The following AKT3 variants were observed in gnomAD, a reference collection of about 807,000 sequenced individuals.
The protein encoded by AKT3 is AKT serine/threonine kinase 3.
AKT3 carries 15 observed loss-of-function variants against 65.3 expected under a neutral mutation model. The ratio of observed to expected loss-of-function variants is 0.23; its 90% CI spans 0.15 to 0.35. The LOEUF (loss-of-function observed/expected upper bound fraction) is 0.35, where lower values mean the gene tolerates loss of function less well. Among genes scored for constraint, AKT3 ranks in the 10% least tolerant of loss-of-function variants. AKT3 has a pLI of 1.00. For synonymous variants in AKT3, 206 were observed against 183.8 expected (o/e 1.12, Z -0.98); for missense variants, 243 against 576.5 (o/e 0.42, Z 5.92).
chr1:243,563,985 T>G, intron 9 of AKT3, 137 bp from the exon 10 acceptor site: 2 of 649,748 alleles, frequency 3.1e-6, no homozygotes, highest in Non-Finnish European at 4.7e-6. Context: ...CGCTCAGTAC[T>G]TACAAACTCT....
chr1:243,555,186 T>C (rs1040320917), intron 10 of AKT3, among the ~76,000 whole-genome samples: 3 of 152,198 alleles, frequency 2.0e-5, no homozygotes, highest in South Asian at 4.1e-4. Flanking sequence ...TAACGTATTG[T>C]CTTCCTGACA....
At chr1:243,783,672 A>G (rs1257613128) in intron 2 of AKT3, among the ~76,000 whole-genome samples, 1 of 152,232 alleles carries the variant, frequency 6.6e-6, no homozygotes, top group African/African-American at 2.4e-5. Flanking sequence ...TGGGTACTTT[A>G]GTGCTCACTT....
chr1:243,711,575 G>A (rs900166978), intron 2 of AKT3, among the ~76,000 whole-genome samples: 1 of 152,066 alleles, frequency 6.6e-6, no homozygotes, highest in African/African-American at 2.4e-5. Context: ...ATGATAGTCA[G>A]AGCATTATAT....
At chr1:243,594,812 A>G (rs994525595) in intron 8 of AKT3, among the ~76,000 whole-genome samples, 2 of 152,086 alleles carry the variant, frequency 1.3e-5, no homozygotes, top group Admixed American at 6.5e-5. Context: ...ACTCCTGGAC[A>G]TAAGTGGTCT....
intron 12 of AKT3, among the ~76,000 whole-genome samples, chr1:243,524,114 A>T (rs1339796845): frequency 2.6e-5 from 4 of 152,234 alleles, no homozygotes; most frequent in African/African-American, 7.2e-5. Flanking sequence ...ACACAATGGT[A>T]AGTATTTGTG....
chr1:243,833,427 A>G (rs1694667238), intron 2 of AKT3, among the ~76,000 whole-genome samples: 1 of 152,162 alleles, frequency 6.6e-6, no homozygotes, highest in African/African-American at 2.4e-5. Context: ...GCCGAGTTAA[A>G]GGGGAAGAAC....
At chr1:243,492,899 C>A (rs531010106) in intron 13 of AKT3, among the ~76,000 whole-genome samples, 2 of 152,072 alleles carry the variant, frequency 1.3e-5, no homozygotes, top group South Asian at 4.1e-4. Flanking sequence ...GAGCTTTGCC[C>A]GGCCTCTTGG....
At chr1:243,528,218 T>C (rs1671288374) in intron 12 of AKT3, among the ~76,000 whole-genome samples, 1 of 152,200 alleles carries the variant, frequency 6.6e-6, no homozygotes, top group African/African-American at 2.4e-5. Flanking sequence ...GTAGCTCCAA[T>C]TTCACACTCC....
chr1:243,701,243 C>T (rs1408651823), intron 2 of AKT3, among the ~76,000 whole-genome samples: 3 of 152,218 alleles, frequency 2.0e-5, no homozygotes, highest in Non-Finnish European at 4.4e-5. Context: ...TTTGTTCAGA[C>T]ATGCAAATGG....
At chr1:243,840,317 C>A (rs1201639088) in intron 2 of AKT3, among the ~76,000 whole-genome samples, 1 of 151,814 alleles carries the variant, frequency 6.6e-6, no homozygotes, top group Non-Finnish European at 1.5e-5. Flanking sequence ...AACACACGGA[C>A]ACAAGGAGGG....
At chr1:243,664,960 T>C in intron 3 of AKT3, 77 bp from the exon 4 acceptor site, 1 of 774,150 alleles carries the variant, frequency 1.3e-6, no homozygotes. Flanking sequence ...ACTACAGAGT[T>C]CTATTTTAAA....
intron 2 of AKT3, among the ~76,000 whole-genome samples, chr1:243,805,937 C>A (rs1008780507): frequency 1.3e-5 from 2 of 152,174 alleles, no homozygotes; most frequent in Non-Finnish European, 2.9e-5. Flanking sequence ...GGGTGAATAA[C>A]CATTTTCCTT....
At chr1:243,510,558 G>A (rs1267375812) in intron 13 of AKT3, among the ~76,000 whole-genome samples, 1 of 152,208 alleles carries the variant, frequency 6.6e-6, no homozygotes, top group East Asian at 1.9e-4. Flanking sequence ...ACAAGAAGGA[G>A]CCATCCAAGT....
At chr1:243,698,921 A>T (rs1685237022) in intron 2 of AKT3, among the ~76,000 whole-genome samples, 1 of 152,006 alleles carries the variant, frequency 6.6e-6, no homozygotes, top group South Asian at 2.1e-4. Context: ...ACCAAAAAAA[A>T]AAAAAAAGAC....
At chr1:243,553,518 G>A (rs1673212328) in intron 10 of AKT3, among the ~76,000 whole-genome samples, 1 of 152,066 alleles carries the variant, frequency 6.6e-6, no homozygotes, top group Admixed American at 6.6e-5. Context: ...ACTCTTTCTG[G>A]AACTATTTAA....
At chr1:243,576,044 G>A (rs540411568) in intron 8 of AKT3, among the ~76,000 whole-genome samples, 2 of 151,880 alleles carry the variant, frequency 1.3e-5, no homozygotes, top group Non-Finnish European at 2.9e-5. Context: ...AAGTATGAAA[G>A]AATTTTAGCT....
chr1:243,538,439 G>C (rs760896208), intron 12 of AKT3, among the ~76,000 whole-genome samples: 1 of 151,666 alleles, frequency 6.6e-6, no homozygotes, highest in Non-Finnish European at 1.5e-5. Flanking sequence ...ACCCAAGTAT[G>C]TCATTAAGTA....
chr1:243,656,674 T>C (rs1218984460), intron 4 of AKT3, among the ~76,000 whole-genome samples: 1 of 152,206 alleles, frequency 6.6e-6, no homozygotes, highest in Non-Finnish European at 1.5e-5. Context: ...AAGAGCACAG[T>C]ATAGCATTAG....
At chr1:243,743,649 T>C (rs1043339759) in intron 2 of AKT3, among the ~76,000 whole-genome samples, 1 of 152,212 alleles carries the variant, frequency 6.6e-6, no homozygotes. Flanking sequence ...AAAATTTTTT[T>C]AGTACTCCAA....
Sources: allele counts gnomAD v4.1 joint callset (sites outside exome capture counted in the v4.1 genomes callset), GRCh38; gene constraint gnomAD v4.1.1; transcripts MANE v1.5; gene names NCBI Gene and HGNC (gene_info 2026-07-23, HGNC 2026-07-21).